The following CDH12 variants were observed in gnomAD, a reference collection of about 807,000 sequenced individuals.
CDH12 encodes the protein cadherin 12.
CDH12 carries 41 observed loss-of-function variants against 74.1 expected under a neutral mutation model. That is an observed-to-expected ratio of 0.55 (90% CI 0.43 to 0.72). The LOEUF (loss-of-function observed/expected upper bound fraction) is 0.72. Ranked by LOEUF, CDH12 falls within the 30% of genes least tolerant of loss-of-function variation. The pLI is 0.00. For missense variants in CDH12, 945 were observed against 977.2 expected, an observed-to-expected ratio of 0.97 and a Z score of 0.44; for synonymous variants, 399 against 355.0, an observed-to-expected ratio of 1.12 and a Z score of -1.39.
At chr5:22,278,709 A>G (rs920333918) in intron 3 of CDH12, among the ~76,000 whole-genome samples, 2 of 152,160 alleles carry the variant, frequency 1.3e-5, no homozygotes, top group African/African-American at 2.4e-5. Context: ...AATATACACA[A>G]TTCTAGATGG....
At position 22,016,314 on chromosome 5, in the gene CDH12, G is replaced by T. The variant is rs982915421; in HGVS notation, c.232-40929C>A. ...TGCTAATCTTAATTAAATGATTGCA[G>T]TAAGGTTTATGTAAGCTGGTGAAAG... On this transcript the variant is annotated intron_variant, in intron 5 of 14. Transcript: ENST00000382254. Among the ~76,000 whole-genome samples the T allele has an allele frequency of 5.3e-5, 8 of 152,210 alleles. No individual in the cohort carries two copies. The East Asian group carries it at 1.5e-3, about 29-fold the overall frequency.
In CDH12 at chr5:22,343,968, T is replaced by G. The variant is rs532589150; in HGVS notation, c.-333+61289A>C. Among the ~76,000 whole-genome samples, 14 of 152,324 alleles carry G rather than the reference T, an allele frequency of 9.2e-5. No individual in the cohort carries two copies. In the South Asian group the frequency reaches 2.9e-3, roughly 32 times the overall value. ...TTATTTAGGATAACAAGCTGAAACT[T>G]TTCATACTTTCTAAATGCTCAAGGC... On this transcript the variant is annotated intron_variant, in intron 3 of 14. Transcript: ENST00000382254.
At chr5:22,438,132 T>G (rs1266535256) in intron 2 of CDH12, among the ~76,000 whole-genome samples, 1 of 152,000 alleles carries the variant, frequency 6.6e-6, no homozygotes, top group Non-Finnish European at 1.5e-5. Flanking sequence ...TAAACTAAAT[T>G]CAAAAATTAC....
intron 2 of CDH12, among the ~76,000 whole-genome samples, chr5:22,491,361 C>G (rs1746854848): frequency 6.6e-6 from 1 of 152,108 alleles, no homozygotes; most frequent in Admixed American, 6.5e-5. Context: ...TTGTTTATAG[C>G]TGTGTTGTAT....
chr5:22,282,527 G>A (rs1229188581), intron 3 of CDH12, among the ~76,000 whole-genome samples: 5 of 151,286 alleles, frequency 3.3e-5, no homozygotes, highest in African/African-American at 4.8e-5. Context: ...GAATCTACAA[G>A]GAACTTAAAT....
chr5:22,277,890 C>T (rs187841313), intron 3 of CDH12: 1 of 154,614 alleles, frequency 6.5e-6, no homozygotes, highest in South Asian at 2.0e-4. Flanking sequence ...AAGCTTGCTG[C>T]AATGTGGGAA....
At chr5:22,108,750 A>G (rs1390732096) in intron 4 of CDH12, among the ~76,000 whole-genome samples, 2 of 152,210 alleles carry the variant, frequency 1.3e-5, no homozygotes, top group African/African-American at 2.4e-5. Context: ...GAGTGATAAC[A>G]CAGATGACAA....
chr5:22,140,314 T>C (rs1245393494), intron 4 of CDH12, among the ~76,000 whole-genome samples: 1 of 152,062 alleles, frequency 6.6e-6, no homozygotes, highest in East Asian at 1.9e-4. Context: ...TTGGCTAAAT[T>C]TGAAATGTAT....
chr5:22,171,161 T>C (rs575967795), intron 4 of CDH12, among the ~76,000 whole-genome samples: 13 of 151,988 alleles, frequency 8.6e-5, no homozygotes, highest in African/African-American at 3.1e-4. Context: ...TTGCTTCTAT[T>C]CCTGGCCACA....
chr5:21,925,564 G>A (rs6894432), intron 6 of CDH12, among the ~76,000 whole-genome samples: 146,878 of 152,238 alleles, frequency 0.96, 70,977 homozygotes, highest in East Asian at 1. Flanking sequence ...AATATATTAT[G>A]TTAATGGAAG....
intron 2 of CDH12, among the ~76,000 whole-genome samples, chr5:22,484,162 T>A (rs1162086541): frequency 1.3e-5 from 2 of 152,214 alleles, no homozygotes; most frequent in East Asian, 1.9e-4. Flanking sequence ...TCCAGAAACA[T>A]CATTTTTCTA....
intron 4 of CDH12, among the ~76,000 whole-genome samples, chr5:22,210,917 T>G (rs2150362091): frequency 6.6e-6 from 1 of 152,270 alleles, no homozygotes; most frequent in South Asian, 2.1e-4. Flanking sequence ...TTAATTCTAT[T>G]GAGAAATCAT....
chr5:22,806,445 C>A (rs868426331), intron 1 of CDH12, among the ~76,000 whole-genome samples: 26 of 151,370 alleles, frequency 1.7e-4, no homozygotes, highest in Middle Eastern at 6.8e-3. Flanking sequence ...CTCCGCCTCC[C>A]GGGTTCACGC....
intron 11 of CDH12, among the ~76,000 whole-genome samples, chr5:21,768,121 C>A (rs1468682109): frequency 6.6e-6 from 1 of 151,632 alleles, no homozygotes; most frequent in Non-Finnish European, 1.5e-5. Context: ...TAATTATGAA[C>A]CTAGTAAACA....
At chr5:22,807,012 A>G (rs1748852242) in intron 1 of CDH12, among the ~76,000 whole-genome samples, 1 of 151,990 alleles carries the variant, frequency 6.6e-6, no homozygotes, top group African/African-American at 2.4e-5. Context: ...TTTTGTTGTC[A>G]TTACTTTTGG....
intron 6 of CDH12, among the ~76,000 whole-genome samples, chr5:21,928,927 T>C (rs1193360774): frequency 6.6e-6 from 1 of 152,072 alleles, no homozygotes; most frequent in African/African-American, 2.4e-5. Context: ...TATTCTTGGG[T>C]CTTTGATCAT....
intron 4 of CDH12, among the ~76,000 whole-genome samples, chr5:22,175,573 T>C (rs1398082834): frequency 6.8e-6 from 1 of 147,760 alleles, no homozygotes; most frequent in Non-Finnish European, 1.5e-5. Flanking sequence ...TAACCAAAAT[T>C]AAGAAATATA....
At chr5:22,095,290 C>A (rs1256114768) in intron 4 of CDH12, among the ~76,000 whole-genome samples, 1 of 152,166 alleles carries the variant, frequency 6.6e-6, no homozygotes, top group Non-Finnish European at 1.5e-5. Context: ...TGCCACCCTT[C>A]AATCTCTCCC....
intron 9 of CDH12, among the ~76,000 whole-genome samples, chr5:21,803,151 C>G (rs1747233996): frequency 6.6e-6 from 1 of 152,080 alleles, no homozygotes; most frequent in East Asian, 1.9e-4. Context: ...TGAAGATACT[C>G]TAGATTCTAG....
Sources: allele counts gnomAD v4.1 joint callset (sites outside exome capture counted in the v4.1 genomes callset), GRCh38; gene constraint gnomAD v4.1.1; transcripts MANE v1.5; gene names NCBI Gene and HGNC (gene_info 2026-07-23, HGNC 2026-07-21).